Variants in MYH13 observed in about 807,000 individuals in gnomAD.
The protein encoded by MYH13 is myosin-13.
Under a neutral mutation model 232.1 loss-of-function variants are expected in MYH13, and 177 were observed. The ratio of observed to expected loss-of-function variants is 0.76; its 90% CI spans 0.67 to 0.86. MYH13 has a LOEUF of 0.86. MYH13 is among the 40% of genes least tolerant of loss of function. The pLI is 0.00. For synonymous variants in MYH13, 884 were observed against 923.5 expected (o/e 0.96, Z 0.78); for missense variants, 2,246 against 2,405.9 (o/e 0.93, Z 1.39).
chr17:10,321,519 A>G lies in MYH13; in HGVS notation c.3111+13T>C. ...GTGATAAATGCTAAAGCATAGTAGT[A>G]AAATATCCTCACATCATCTGTTTGC... On this transcript the variant is annotated intron_variant, in intron 24 of 40. Transcript: ENST00000252172. 3 of 1,608,856 alleles carry G rather than the reference A, an allele frequency of 1.9e-6. No homozygotes were observed. Among genetic ancestry groups the G allele is most frequent in the Non-Finnish European group, 2.5e-6 (3 of 1,177,296 alleles).
chr17:10,354,993 T>A lies in MYH13; in HGVS notation c.803A>T (p.Tyr268Phe), dbSNP rs2071738096. 6.2e-7 allele frequency: 1 copy of A among 1,609,674 alleles called. No individual in the cohort carries two copies. Among genetic ancestry groups the A allele is most frequent in the African/African-American group, 1.3e-5 (1 of 74,788 alleles). The part of the protein sequence containing the change: ...GKLASADIET[Y>F]LLEKSRVTFQ... ...CGTCACTCTGGATTTTTCTAACAGA[T>A]CTAAGGTAACAAAAATAACGTGATT... is the stretch of plus-strand genomic sequence containing the variant. Residue 268 changes from tyrosine to phenylalanine, a missense_variant and splice_region_variant, in exon 10 of 41, where the codon TAT becomes TTT. Transcript: ENST00000252172.
intron 18 of MYH13, among the ~76,000 whole-genome samples, chr17:10,335,379 C>T (rs183528959): frequency 3.9e-5 from 6 of 152,266 alleles, no homozygotes; most frequent in Non-Finnish European, 7.4e-5. Context: ...TCACAACACT[C>T]GTGGTCCCAA....
chr17:10,365,268 T>C (rs2071825451), intron 2 of MYH13, among the ~76,000 whole-genome samples: 1 of 152,244 alleles, frequency 6.6e-6, no homozygotes, highest in Non-Finnish European at 1.5e-5. Flanking sequence ...GTCACTGGAA[T>C]GCTGATAATT....
intron 23 of MYH13, 58 bp downstream of exon 23, chr17:10,323,964 A>G: frequency 6.3e-7 from 1 of 1,593,922 alleles, no homozygotes; most frequent in Non-Finnish European, 8.5e-7. Flanking sequence ...TCTCCTCCTT[A>G]CAGAGAGAGA....
chr17:10,361,547 G>T (rs1036279991), intron 5 of MYH13, among the ~76,000 whole-genome samples: 1 of 152,156 alleles, frequency 6.6e-6, no homozygotes, highest in African/African-American at 2.4e-5. Context: ...ACCTGCCTCG[G>T]CCTCCCAAAG....
Position 10,364,515 on chromosome 17 carries a change from C to T in MYH13, c.16G>A (p.Glu6Lys). The T allele has an allele frequency of 6.3e-7, 1 of 1,597,854 alleles. No homozygotes were observed. Among genetic ancestry groups the T allele is most frequent in the African/African-American group, 1.3e-5 (1 of 74,836 alleles). Residue 6 changes from glutamate (E) to lysine (K), a missense_variant, in exon 3 of 41, where the codon GAA becomes AAA. Physicochemically the swap from Glu to Lys is moderately conservative, Grantham distance 56. Transcript: ENST00000252172. ...GCTGCTTCTCCAAAAATGGCCATTT[C>T]TGCGTCAGAGCTCATGACTGCAGAG... MSSDA[E>K]MAIFGEAAPY... is the part of the protein sequence containing the mutation.
chr17:10,330,534 A>G lies in MYH13; in HGVS notation c.2299-11T>C. 6.3e-7 allele frequency: 1 copy of G among 1,598,836 alleles called. No homozygotes were observed. The highest frequency in any genetic ancestry group is 8.5e-7 in the Non-Finnish European group (1 of 1,173,616). Reference sequence around the variant, plus strand: ...AGCTTTGAAAAACACCTGCATTAAAAGACAGAGGAGCCTTGATCTTTTTCC... The same window carrying G: ...AGCTTTGAAAAACACCTGCATTAAAGGACAGAGGAGCCTTGATCTTTTTCC... On this transcript the variant is annotated splice_polypyrimidine_tract_variant and intron_variant, in intron 20 of 40. Coordinates refer to ENST00000252172, the MANE Select transcript of MYH13 (RefSeq NM_003802.3).
At position 10,308,747 on chromosome 17, in the gene MYH13, G is replaced by A. The variant is rs188783316; in HGVS notation, c.5169+487C>T. Among the ~76,000 whole-genome samples, 828 of 151,390 alleles carry A rather than the reference G, an allele frequency of 5.5e-3. 8 individuals carry two copies. The highest frequency in any genetic ancestry group is 5.7e-3 in the Non-Finnish European group (384 of 67,846). On this transcript the variant is annotated intron_variant, in intron 35 of 40. Coordinates refer to ENST00000252172, the MANE Select transcript of MYH13 (RefSeq NM_003802.3). The stretch of plus-strand genomic sequence containing the variant: ...GTTTGTTTGTTTATTTTTTTGGCAG[G>A]GTCTCCCTCTGTTGCCCAGGCTGGA...
chr17:10,359,975 C>G lies in MYH13; in HGVS notation c.630G>C (p.Gln210His). The change falls in exon 7 of 41, where the codon CAG becomes CAC. Residue 210 changes from glutamine (Q) to histidine (H), a missense_variant. By Grantham distance (24) the Gln-to-His change is conservative. Coordinates refer to ENST00000252172, the MANE Select transcript of MYH13 (RefSeq NM_003802.3). Reference protein sequence around the residue: ...AVTGDKKKETQPGKMQGTLED... With the variant: ...AVTGDKKKETHPGKMQGTLED... Reference sequence around the variant, plus strand: ...GGCTGCTCACCTGCATTTTGCCTGGCTGTGTCTCCTTCTTCTTGTCCCCGG... The same window carrying G: ...GGCTGCTCACCTGCATTTTGCCTGGGTGTGTCTCCTTCTTCTTGTCCCCGG... 1 of 1,613,742 alleles carries G rather than the reference C, an allele frequency of 6.2e-7. No homozygotes were observed. Among genetic ancestry groups the G allele is most frequent in the South Asian group, 1.1e-5 (1 of 91,058 alleles).
chr17:10,325,905 G>C (rs1008596427), intron 22 of MYH13, among the ~76,000 whole-genome samples: 1 of 152,110 alleles, frequency 6.6e-6, no homozygotes, highest in African/African-American at 2.4e-5. Context: ...TCGATCTCTT[G>C]ATCTCATGAT....
intron 2 of MYH13, among the ~76,000 whole-genome samples, chr17:10,366,677 C>T (rs759680742): frequency 2.0e-5 from 3 of 152,044 alleles, no homozygotes; most frequent in Admixed American, 6.6e-5. Context: ...CTCCATGCCC[C>T]GCCTGAAATA....
At chr17:10,369,574 G>A (rs11653603) in intron 2 of MYH13, among the ~76,000 whole-genome samples, 23,572 of 152,234 alleles carry the variant, frequency 0.15, 2,397 homozygotes, top group Non-Finnish European at 0.23. Context: ...ATGGCAATAG[G>A]AGAATAAAGT....
chr17:10,306,220 A>ATGAGTGTG lies in MYH13; in HGVS notation c.5466+238_5466+239insCACACTCA, dbSNP rs1555548249. The stretch of plus-strand genomic sequence containing the variant: ...CTGAGGTGTGAGCATACCAAAATAG[A>ATGAGTGTG]TGTGTGTGTGTGTGTGTGTGTGTGT... On this transcript the variant is annotated intron_variant, in intron 37 of 40. Transcript: ENST00000252172. The surrounding 1 kb of genome is among the most constrained non-coding windows in gnomAD (Gnocchi z 4.3). Among the ~76,000 whole-genome samples the ATGAGTGTG allele has an allele frequency of 7.7e-6, 1 of 130,036 alleles. No homozygotes were observed. The highest frequency in any genetic ancestry group is 2.8e-4 in the South Asian group (1 of 3,536). The allele number at this position is 130,036 out of a possible 152,430, so 85.3% of individuals were successfully genotyped here.
rs535595768 is a variant in MYH13, at chr17:10,314,415, C to CA, written c.3985-1062dup. On this transcript the variant is annotated intron_variant, in intron 29 of 40. Transcript: ENST00000252172. ...GGGCAACAAGAGTGAAACTCCATCT[C>CA]AAAAAAAAAAAAAAAGGCAATAAAT... Among the ~76,000 whole-genome samples the CA allele has an allele frequency of 8.7e-3, 780 of 89,766 alleles. 4 individuals carry two copies. The highest frequency in any genetic ancestry group is 0.017 in the African/African-American group (401 of 24,002). The allele number at this position is 89,766 out of a possible 152,430, so 58.9% of individuals were successfully genotyped here.
intron 3 of MYH13, 103 bp downstream of exon 3, chr17:10,364,224 C>T (rs750796108): frequency 1.1e-5 from 14 of 1,225,836 alleles, no homozygotes; most frequent in Admixed American, 1.0e-4. Flanking sequence ...AAGTTTTGTT[C>T]TGTCTTCAGA....
chr17:10,301,824 A>G (rs1906105100), intron 39 of MYH13, 121 bp from the exon 40 acceptor site: 1 of 1,336,310 alleles, frequency 7.5e-7, no homozygotes, highest in African/African-American at 1.5e-5. Context: ...CTGATGGCAG[A>G]GAGGGCAGGG....
chr17:10,328,181 A>C (rs2277645), intron 21 of MYH13, 60 bp from the exon 22 acceptor site: 1,280,176 of 1,579,170 alleles, frequency 0.81, 522,822 homozygotes, highest in East Asian at 0.88. Context: ...CTGCACCCCC[A>C]ACCTGTCCCC....
chr17:10,322,745 G>A (rs62058071), intron 23 of MYH13, among the ~76,000 whole-genome samples: 39 of 147,444 alleles, frequency 2.6e-4, no homozygotes, highest in Admixed American at 3.4e-4. Flanking sequence ...GCCATTCTCC[G>A]GCCTCAGCCT....
In MYH13 at chr17:10,345,585, G is replaced by A. The variant is rs1314635305; in HGVS notation, c.1295C>T (p.Ala432Val). 1 of 1,614,102 alleles carries A rather than the reference G, an allele frequency of 6.2e-7. No individual in the cohort carries two copies. The highest frequency in any genetic ancestry group is 1.7e-5 in the Admixed American group (1 of 60,004). ...CCACAGGAACATCTTCTCGTAGACG[G>A]CTTTGGCCAGAGCACCCACCGAATT... is the stretch of plus-strand genomic sequence containing the variant. ...VTNSVGALAK[A>V]VYEKMFLWMV... is the part of the protein sequence containing the mutation. The change falls in exon 14 of 41, where the codon GCC becomes GTC. Residue 432 changes from alanine (A) to valine (V), a missense_variant. Coordinates refer to ENST00000252172, the MANE Select transcript of MYH13 (RefSeq NM_003802.3).
Sources: gnomAD v4.1 joint callset for allele counts (sites outside exome capture counted in the v4.1 genomes callset) on GRCh38, gnomAD v4.1.1 for gene constraint, Gnocchi (gnomAD v3.1) non-coding constraint, MANE v1.5 for transcripts, NCBI Gene and HGNC (gene_info 2026-07-23, HGNC 2026-07-21) for gene names.